Variants in DIP2C observed in about 807,000 individuals in gnomAD.
DIP2C encodes the protein DIP2 acetate--CoA ligase C (putative), also known as disco-interacting protein 2 homolog C.
In DIP2C, 33 loss-of-function variants were observed where a neutral mutation model predicts 192.4. That is an observed-to-expected ratio of 0.17 (90% CI 0.13 to 0.23). The LOEUF (loss-of-function observed/expected upper bound fraction) is 0.23. Among genes scored for constraint, DIP2C ranks in the 10% least tolerant of loss-of-function variants. DIP2C has a pLI of 1.00. For missense variants in DIP2C, 1,537 were observed against 2,110.1 expected, an observed-to-expected ratio of 0.73 and a Z score of 5.32; for synonymous variants, 979 against 864.1, an observed-to-expected ratio of 1.13 and a Z score of -2.33.
chr10:506,564 G>A (rs987292953), intron 1 of DIP2C, among the ~76,000 whole-genome samples: 3 of 152,136 alleles, frequency 2.0e-5, no homozygotes, highest in African/African-American at 4.8e-5. Context: ...ATACGCCAAC[G>A]TACCAGAATA....
At chr10:450,743 C>T (rs1267349826) in intron 3 of DIP2C, among the ~76,000 whole-genome samples, 2 of 152,100 alleles carry the variant, frequency 1.3e-5, no homozygotes, top group African/African-American at 2.4e-5. Context: ...AGAAGAGCTT[C>T]CCAAGAGAAA....
chr10:663,013 G>T, intron 1 of DIP2C: 1 of 703,076 alleles, frequency 1.4e-6, no homozygotes, highest in Non-Finnish European at 2.7e-6. Flanking sequence ...GGGTTTCTAT[G>T]TCCAGGAAAG....
At chr10:473,248 T>C (rs1970782548) in intron 2 of DIP2C, among the ~76,000 whole-genome samples, 1 of 152,232 alleles carries the variant, frequency 6.6e-6, no homozygotes, top group Non-Finnish European at 1.5e-5. Flanking sequence ...AATAACAGGG[T>C]GGCAAGGAAC....
chr10:440,810 T>A lies in DIP2C; in HGVS notation c.394+61A>T, dbSNP rs926226477. On this transcript the variant is annotated intron_variant, in intron 4 of 36. Coordinates refer to ENST00000280886, the MANE Select transcript of DIP2C (RefSeq NM_014974.3). ...AAGCAAAAACCCCTGATTGCTGGGC[T>A]AGGTCAATTCTGAGGTGCCCGGCAC... 5.2e-6 allele frequency: 8 copies of A among 1,549,376 alleles called. No homozygotes were observed. In the African/African-American group the frequency reaches 1.1e-4, roughly 21 times the overall value.
intron 1 of DIP2C, among the ~76,000 whole-genome samples, chr10:520,255 G>A (rs11252923): frequency 0.25 from 37,784 of 152,058 alleles, 5,869 homozygotes; most frequent in Non-Finnish European, 0.35. Flanking sequence ...GGAGGGCCGC[G>A]CTCTGGGCAG....
chr10:430,117 A>G (rs1217080200), intron 4 of DIP2C: 2 of 152,146 alleles, frequency 1.3e-5, no homozygotes, highest in African/African-American at 4.8e-5. Flanking sequence ...TGTTGTTTCA[A>G]TCTGCATTTC....
chr10:643,432 C>T (rs1338091629), intron 1 of DIP2C, among the ~76,000 whole-genome samples: 9 of 149,374 alleles, frequency 6.0e-5, no homozygotes, highest in Non-Finnish European at 8.9e-5. Context: ...GAGAATGGCA[C>T]GAACCCGGGA....
Position 651,520 on chromosome 10 carries a change from T to A in DIP2C, c.85+37974A>T. 1 of 506,872 alleles carries A rather than the reference T, an allele frequency of 2.0e-6. No homozygotes were observed. The highest frequency in any genetic ancestry group is 3.0e-5 in the Admixed American group (1 of 32,790). The allele number at this position is 506,872 out of a possible 1,614,324, so 31.4% of individuals were successfully genotyped here. A position where few individuals can be genotyped will look rare whatever the true frequency, so the allele number is the denominator to read the frequency against. ...AAAATCCGTATCCACGTGAAGGTATTATGCAAAAAAAGCTTAACTTTGTTT... is the reference window on the plus strand; with the variant it reads ...AAAATCCGTATCCACGTGAAGGTATAATGCAAAAAAAGCTTAACTTTGTTT... On this transcript the variant is annotated intron_variant, in intron 1 of 36. Transcript: ENST00000280886. The surrounding 1 kb of genome is among the most constrained non-coding windows in gnomAD (Gnocchi z 4.1).
chr10:598,571 TC>T (rs1026107652), intron 1 of DIP2C, among the ~76,000 whole-genome samples: 2 of 147,884 alleles, frequency 1.4e-5, no homozygotes, highest in African/African-American at 5.0e-5. Context: ...TTCCCTCTGC[TC>T]CTCACGCCAC....
At chr10:332,888 C>A (rs1957565857) in intron 29 of DIP2C, among the ~76,000 whole-genome samples, 1 of 152,142 alleles carries the variant, frequency 6.6e-6, no homozygotes, top group South Asian at 2.1e-4. Context: ...ACTTGAGTTA[C>A]TGCAATGAAG....
chr10:506,388 G>A (rs756176984), intron 1 of DIP2C, among the ~76,000 whole-genome samples: 3 of 152,158 alleles, frequency 2.0e-5, no homozygotes, highest in Non-Finnish European at 4.4e-5. Context: ...TCAGCCCAAG[G>A]CCTGGGGAGA....
chr10:487,177 C>G (rs1844075648), intron 1 of DIP2C, among the ~76,000 whole-genome samples: 1 of 152,126 alleles, frequency 6.6e-6, no homozygotes, highest in African/African-American at 2.4e-5. Flanking sequence ...GCACACAGGA[C>G]AAAGCCACCT....
At chr10:603,303 A>T (rs1852219981) in intron 1 of DIP2C, among the ~76,000 whole-genome samples, 5 of 47,522 alleles carry the variant, frequency 1.1e-4, no homozygotes, top group Non-Finnish European at 2.7e-4. Flanking sequence ...CATCTCAAAA[A>T]AAAAAAAAAA....
chr10:337,130 C>G (rs866937148), intron 29 of DIP2C, among the ~76,000 whole-genome samples: 7 of 83,064 alleles, frequency 8.4e-5, no homozygotes, highest in East Asian at 4.5e-4. Flanking sequence ...GCCTAGGCAG[C>G]TGTGTGTGTG....
intron 1 of DIP2C, among the ~76,000 whole-genome samples, chr10:611,524 C>A (rs1023751903): frequency 6.6e-6 from 1 of 152,160 alleles, no homozygotes; most frequent in Non-Finnish European, 1.5e-5. Flanking sequence ...GATGGGGCAT[C>A]CTATTTGTCT....
intron 4 of DIP2C, among the ~76,000 whole-genome samples, chr10:424,884 A>G (rs967904974): frequency 6.6e-6 from 1 of 152,256 alleles, no homozygotes; most frequent in Admixed American, 6.5e-5. Context: ...ACATAATAGC[A>G]GCAAACCAAA....
intron 1 of DIP2C, among the ~76,000 whole-genome samples, chr10:509,416 C>T (rs1184718788): frequency 6.6e-6 from 1 of 152,304 alleles, no homozygotes; most frequent in Non-Finnish European, 1.5e-5. Flanking sequence ...GATCCATCCG[C>T]GCTGCTCCCC....
At chr10:635,558 C>T (rs1190674947) in intron 1 of DIP2C, among the ~76,000 whole-genome samples, 1 of 152,262 alleles carries the variant, frequency 6.6e-6, no homozygotes, top group Non-Finnish European at 1.5e-5. Context: ...CCTCATCCAA[C>T]AGAAGCAGAA....
chr10:641,547 G>C (rs1855198682), intron 1 of DIP2C: 1 of 153,756 alleles, frequency 6.5e-6, no homozygotes, highest in Non-Finnish European at 1.5e-5. Context: ...CAGGGAGAAA[G>C]GAACCCGGGT....
Sources: gnomAD v4.1 joint callset for allele counts (sites outside exome capture counted in the v4.1 genomes callset) on GRCh38, gnomAD v4.1.1 for gene constraint, Gnocchi (gnomAD v3.1) non-coding constraint, MANE v1.5 for transcripts, NCBI Gene and HGNC (gene_info 2026-07-23, HGNC 2026-07-21) for gene names.